Variants in LRP1B observed in about 807,000 individuals in gnomAD.
LRP1B encodes the protein low-density lipoprotein receptor-related protein 1B.
LRP1B carries 217 observed loss-of-function variants against 556.6 expected under a neutral mutation model. That is an observed-to-expected ratio of 0.39 (90% confidence interval 0.35 to 0.44). The LOEUF is 0.44. LRP1B is among the 20% of genes least tolerant of loss of function. The pLI is 1.00. For synonymous variants in LRP1B, 2,047 were observed against 1,865.8 expected, an observed-to-expected ratio of 1.10 and a Z score of -2.50; for missense variants, 5,053 against 5,620.8, an observed-to-expected ratio of 0.90 and a Z score of 3.23.
intron 2 of LRP1B, among the ~76,000 whole-genome samples, chr2:141,619,275 T>C (rs1688418255): frequency 6.6e-6 from 1 of 152,238 alleles, no homozygotes; most frequent in Non-Finnish European, 1.5e-5. Flanking sequence ...AGCACTTTCA[T>C]TCATTTTCAT....
At chr2:140,281,264 T>G (rs543332610) in intron 84 of LRP1B, among the ~76,000 whole-genome samples, 1 of 151,964 alleles carries the variant, frequency 6.6e-6, no homozygotes, top group African/African-American at 2.4e-5. Context: ...GAAAGCCATA[T>G]AGCTATACAA....
intron 37 of LRP1B, among the ~76,000 whole-genome samples, chr2:140,705,521 C>CAAAAAAAAAAAA (rs565447198): frequency 4.1e-4 from 28 of 68,208 alleles, no homozygotes; most frequent in South Asian, 1.2e-3. Context: ...GAGACTGTCT[C>CAAAAAAAAAAAA]AAAAAAAAAA....
At chr2:140,503,181 C>G (rs2104897197) in intron 53 of LRP1B, 78 bp from the exon 54 acceptor site, 1 of 1,291,412 alleles carries the variant, frequency 7.7e-7, no homozygotes, top group Non-Finnish European at 1.1e-6. Context: ...ATGTACACTA[C>G]ACCGGATTAA....
At chr2:140,775,647 A>T (rs909975467) in intron 33 of LRP1B, among the ~76,000 whole-genome samples, 1 of 151,896 alleles carries the variant, frequency 6.6e-6, no homozygotes, top group Non-Finnish European at 1.5e-5. Flanking sequence ...CTCTCACTCC[A>T]TTTCACTGCA....
chr2:140,772,559 C>T (rs1689350888), intron 33 of LRP1B, among the ~76,000 whole-genome samples: 1 of 152,106 alleles, frequency 6.6e-6, no homozygotes, highest in African/African-American at 2.4e-5. Flanking sequence ...ATCCATCCAC[C>T]TCGGCCTCCT....
chr2:140,728,745 T>C (rs965549858), intron 35 of LRP1B, among the ~76,000 whole-genome samples: 2 of 152,120 alleles, frequency 1.3e-5, no homozygotes, highest in African/African-American at 4.8e-5. Flanking sequence ...AATAGAGGGA[T>C]GTAGCATAAT....
At chr2:141,506,278 T>C (rs978148495) in intron 2 of LRP1B, among the ~76,000 whole-genome samples, 5 of 152,152 alleles carry the variant, frequency 3.3e-5, no homozygotes, top group Non-Finnish European at 5.9e-5. Flanking sequence ...ATAAGAAGTC[T>C]GTTTGTAATT....
chr2:141,505,817 T>A (rs1683909123), intron 2 of LRP1B, among the ~76,000 whole-genome samples: 1 of 152,082 alleles, frequency 6.6e-6, no homozygotes, highest in African/African-American at 2.4e-5. Flanking sequence ...TTGTAAATTA[T>A]CTGAATGTTC....
intron 3 of LRP1B, among the ~76,000 whole-genome samples, chr2:141,261,178 T>C (rs1684669591): frequency 6.6e-6 from 1 of 152,130 alleles, no homozygotes; most frequent in Non-Finnish European, 1.5e-5. Context: ...AAATGCAGTG[T>C]GAGCTGGTTT....
At chr2:140,851,910 G>T in intron 27 of LRP1B, 127 bp from the exon 28 acceptor site, 1 of 651,880 alleles carries the variant, frequency 1.5e-6, no homozygotes, top group Non-Finnish European at 2.5e-6. Flanking sequence ...CATTAGTAGG[G>T]TGATTAATAT....
rs563119434 is a variant in LRP1B at position 141,577,077 on chromosome 2, T to G, written c.206-96544A>C. Among the ~76,000 whole-genome samples the G allele has an allele frequency of 3.3e-5, 5 of 152,286 alleles. No homozygotes were observed. In the South Asian group the frequency reaches 1.0e-3, roughly 32 times the overall value. ...AGTTATAAGTGTTTCCTTGAACACC[T>G]AATTGTAACTGCAACTAGAACAGTG... On this transcript the variant is annotated intron_variant, in intron 2 of 90. Coordinates refer to ENST00000389484, the MANE Select transcript of LRP1B (RefSeq NM_018557.3).
At chr2:140,774,662 T>G (rs207462481) in intron 33 of LRP1B, among the ~76,000 whole-genome samples, 5 of 152,054 alleles carry the variant, frequency 3.3e-5, no homozygotes, top group Admixed American at 6.5e-5. Context: ...GTACTGTGAG[T>G]TTTTACACAT....
chr2:141,127,692 A>G (rs550585217), intron 7 of LRP1B, among the ~76,000 whole-genome samples: 3 of 152,260 alleles, frequency 2.0e-5, no homozygotes, highest in Admixed American at 6.5e-5. Flanking sequence ...TGGTTACTAT[A>G]TTAAATACAT....
chr2:141,130,335 C>A (rs536134633), intron 7 of LRP1B, among the ~76,000 whole-genome samples: 2 of 151,958 alleles, frequency 1.3e-5, no homozygotes, highest in Non-Finnish European at 2.9e-5. Flanking sequence ...ATGTTGCTTA[C>A]CCTCATTCAA....
At chr2:141,855,290 A>C (rs1698014380) in intron 1 of LRP1B, among the ~76,000 whole-genome samples, 1 of 152,108 alleles carries the variant, frequency 6.6e-6, no homozygotes, top group Non-Finnish European at 1.5e-5. Context: ...TGCCTAAAGA[A>C]GGGTGAATCT....
At chr2:140,250,736 A>G (rs1681374922) in intron 86 of LRP1B, among the ~76,000 whole-genome samples, 1 of 151,778 alleles carries the variant, frequency 6.6e-6, no homozygotes. Flanking sequence ...GTAACTTGGG[A>G]TTGTGGTCAG....
At chr2:140,552,470 TG>T (rs1344646064) in intron 43 of LRP1B, among the ~76,000 whole-genome samples, 3 of 152,284 alleles carry the variant, frequency 2.0e-5, no homozygotes, top group East Asian at 1.9e-4. Flanking sequence ...ACGTTGCCTT[TG>T]TAGGGTACAA....
chr2:141,834,848 G>T (rs368734450), intron 1 of LRP1B, among the ~76,000 whole-genome samples: 32 of 152,078 alleles, frequency 2.1e-4, no homozygotes, highest in East Asian at 1.9e-3. Context: ...TAGAATGATA[G>T]TTCCATAATC....
chr2:141,030,739 C>T (rs76617206), intron 11 of LRP1B, among the ~76,000 whole-genome samples: 5,299 of 151,976 alleles, frequency 0.035, 117 homozygotes, highest in African/African-American at 0.059. Flanking sequence ...CTAAATATAG[C>T]ATACTATACT....
Sources: gnomAD v4.1 joint callset for allele counts (sites outside exome capture counted in the v4.1 genomes callset) on GRCh38, gnomAD v4.1.1 for gene constraint, MANE v1.5 for transcripts, NCBI Gene and HGNC (gene_info 2026-07-23, HGNC 2026-07-21) for gene names.